Variants in ZNF454 observed in about 807,000 individuals in gnomAD.
ZNF454 encodes the protein zinc finger protein 454.
Under a neutral mutation model 48.2 loss-of-function variants are expected in ZNF454, and 30 were observed. That is an observed-to-expected ratio of 0.62 (90% CI 0.47 to 0.84). The LOEUF (loss-of-function observed/expected upper bound fraction) is 0.84. Ranked by LOEUF, ZNF454 falls within the 40% of genes least tolerant of loss-of-function variation. The probability of loss-of-function intolerance (pLI) is 0.00; values close to 1 mark genes in which losing one functional copy is unlikely to be tolerated. For synonymous variants in ZNF454, 204 were observed against 211.4 expected (o/e 0.97, Z 0.30); for missense variants, 510 against 623.1 (o/e 0.82, Z 1.93).
rs1759101963 is a variant in ZNF454 at position 178,941,847 on chromosome 5, C to G, written c.-108+403C>G. ...GACTGGGCCCCAGAGAGTGAGAACA[C>G]TGAGGCCAGAGAAGGGTTTGCCTGA... is the stretch of plus-strand genomic sequence containing the variant. On this transcript the variant is annotated intron_variant, in intron 1 of 4. Transcript: ENST00000519564. The surrounding 1 kb of genome is among the most constrained non-coding windows in gnomAD (Gnocchi z 5.5). Among the ~76,000 whole-genome samples the G allele has an allele frequency of 6.6e-6, 1 of 152,212 alleles. No individual in the cohort carries two copies. The highest frequency in any genetic ancestry group is 2.1e-4 in the South Asian group (1 of 4,828).
the ZNF454 span, among the ~76,000 whole-genome samples, chr5:178,984,446 A>G: frequency 9.2e-3 from 1,399 of 152,320 alleles, 19 homozygotes; most frequent in African/African-American, 0.032. Context: ...GCAGCCCGTC[A>G]TGACGTGGTA....
chr5:178,959,920 T>C (rs1012178642), intron 4 of ZNF454, among the ~76,000 whole-genome samples: 2 of 150,470 alleles, frequency 1.3e-5, no homozygotes, highest in Non-Finnish European at 1.5e-5. Context: ...TTTTCTTTTC[T>C]TTTCTTTTTT....
chr5:178,983,025 C>A, the ZNF454 span: 1 of 1,614,158 alleles, frequency 6.2e-7, no homozygotes, highest in African/African-American at 1.3e-5. Flanking sequence ...CTCGGGCACG[C>A]CACGGGCCTT....
chr5:178,951,899 G>A (rs1451562106), intron 4 of ZNF454, among the ~76,000 whole-genome samples: 6 of 152,162 alleles, frequency 3.9e-5, no homozygotes, highest in Admixed American at 2.0e-4. Context: ...AACAGTTGAT[G>A]CAAGTTTCTG....
At position 178,965,178 on chromosome 5, in the gene ZNF454, A is replaced by G. The variant is rs377702501; in HGVS notation, c.774A>G (p.Ser258=). ...ECGKAFSVSS[S]LTYHQKIHTG... is the part of the protein sequence containing the mutation. ...GCAAGGCCTTCTCAGTGAGCTCCTCACTTACGTACCATCAGAAAATTCATA... is the reference window on the plus strand; with the variant it reads ...GCAAGGCCTTCTCAGTGAGCTCCTCGCTTACGTACCATCAGAAAATTCATA... The change falls in exon 5 of 5, where the codon TCA becomes TCG. Residue 258 remains serine (S), a synonymous_variant. Coordinates refer to ENST00000519564, the MANE Select transcript of ZNF454 (RefSeq NM_001178089.3). The surrounding 1 kb of genome is among the most constrained non-coding windows in gnomAD (Gnocchi z 5.2). The G allele has an allele frequency of 6.8e-6, 11 of 1,614,010 alleles. No homozygotes were observed. Among genetic ancestry groups the G allele is most frequent in the Non-Finnish European group, 8.5e-6 (10 of 1,180,012 alleles).
chr5:178,972,600 T>C, the ZNF454 span, among the ~76,000 whole-genome samples: 1 of 152,136 alleles, frequency 6.6e-6, no homozygotes. Flanking sequence ...CCCAGGGTCT[T>C]TCTCCAAAGA....
At chr5:178,981,457 A>C in the ZNF454 span, 3 of 568,860 alleles carry the variant, frequency 5.3e-6, no homozygotes, top group Non-Finnish European at 6.3e-6. The surrounding 1 kb of genome is among the most constrained non-coding windows in gnomAD (Gnocchi z 5.1). Context: ...GTGGTGAGGA[A>C]GCATGAAGCT....
the ZNF454 span, chr5:178,987,204 C>T: frequency 1.9e-5 from 13 of 681,816 alleles, no homozygotes; most frequent in East Asian, 5.6e-5. Context: ...GTGGAGAAGT[C>T]GGAACCCTTG....
At position 178,942,843 on chromosome 5, in the gene ZNF454, C is replaced by G; in HGVS notation, c.33+19C>G. ...GGTCCAGGTGAGTGGGGGTTTCTTC[C>G]CCCTAAATTGCTTTCTGGATTTGAA... is the stretch of plus-strand genomic sequence containing the variant. On this transcript the variant is annotated intron_variant, in intron 2 of 4. Transcript: ENST00000519564. The G allele has an allele frequency of 6.2e-7, 1 of 1,608,712 alleles. No homozygotes were observed. The highest frequency in any genetic ancestry group is 2.2e-5 in the East Asian group (1 of 44,788).
chr5:178,963,567 C>G (rs373207965), intron 4 of ZNF454, among the ~76,000 whole-genome samples: 1 of 151,682 alleles, frequency 6.6e-6, no homozygotes, highest in Non-Finnish European at 1.5e-5. Context: ...AATTCTGCAT[C>G]GTCTGTGTTT....
At chr5:178,942,634 C>T in intron 1 of ZNF454, 51 bp from the exon 2 acceptor site, 1 of 697,042 alleles carries the variant, frequency 1.4e-6, no homozygotes, top group Non-Finnish European at 2.4e-6. Flanking sequence ...TGCTCACTGC[C>T]TCGCTCTGGA....
At chr5:178,973,087 C>CTT in the ZNF454 span, among the ~76,000 whole-genome samples, 1 of 150,816 alleles carries the variant, frequency 6.6e-6, no homozygotes, top group Non-Finnish European at 1.5e-5. Flanking sequence ...TACCTCCCTC[C>CTT]CTCCTTCCTT....
At chr5:178,985,671 C>G in the ZNF454 span, 4 of 401,502 alleles carry the variant, frequency 1.0e-5, no homozygotes, top group East Asian at 1.5e-4. Flanking sequence ...CCACTGCACT[C>G]CAGCCTGGGC....
intron 4 of ZNF454, among the ~76,000 whole-genome samples, chr5:178,948,691 A>G (rs945541667): frequency 2.0e-5 from 3 of 152,170 alleles, no homozygotes; most frequent in African/African-American, 7.2e-5. Flanking sequence ...GGTGATTAGC[A>G]GTTAGCCAGT....
chr5:178,978,264 T>G, the ZNF454 span: 1 of 152,256 alleles, frequency 6.6e-6, no homozygotes, highest in African/African-American at 2.4e-5. Context: ...TTTTATTCCA[T>G]TTTTGAAGAA....
chr5:178,975,789 G>A, the ZNF454 span: 2 of 356,858 alleles, frequency 5.6e-6, no homozygotes, highest in Non-Finnish European at 1.2e-5. Flanking sequence ...CTGTGAAGGT[G>A]TGTTTTGTAG....
chr5:178,951,445 C>T (rs1759554153), intron 4 of ZNF454, among the ~76,000 whole-genome samples: 1 of 152,154 alleles, frequency 6.6e-6, no homozygotes, highest in Non-Finnish European at 1.5e-5. Context: ...GAATTTTATA[C>T]CAGCATCTCC....
At chr5:178,978,606 C>T in the ZNF454 span, 5 of 152,290 alleles carry the variant, frequency 3.3e-5, no homozygotes, top group Non-Finnish European at 5.9e-5. Flanking sequence ...TACATCAGAA[C>T]GTAATCTTAC....
the ZNF454 span, chr5:178,983,198 C>G: frequency 6.2e-7 from 1 of 1,612,874 alleles, no homozygotes; most frequent in East Asian, 2.2e-5. Flanking sequence ...GCCGGGCCCC[C>G]AGCCATGCTA....
Sources: gnomAD v4.1 joint callset for allele counts (sites outside exome capture counted in the v4.1 genomes callset) on GRCh38, gnomAD v4.1.1 for gene constraint, Gnocchi (gnomAD v3.1) non-coding constraint, MANE v1.5 for transcripts, NCBI Gene and HGNC (gene_info 2026-07-23, HGNC 2026-07-21) for gene names.